Variants in ST3GAL1 observed in about 807,000 individuals in gnomAD.
ST3GAL1 encodes ST3 beta-galactoside alpha-2,3-sialyltransferase 1.
Under a neutral mutation model 34.1 loss-of-function variants are expected in ST3GAL1, and 16 were observed. The ratio of observed to expected loss-of-function variants is 0.47; its 90% CI spans 0.32 to 0.71. The LOEUF is 0.71. ST3GAL1 is among the 30% of genes least tolerant of loss of function. The probability of loss-of-function intolerance (pLI) is 0.04; values close to 1 mark genes in which losing one functional copy is unlikely to be tolerated. For synonymous variants in ST3GAL1, 191 were observed against 184.7 expected, an observed-to-expected ratio of 1.03 and a Z score of -0.28; for missense variants, 353 against 447.4, an observed-to-expected ratio of 0.79 and a Z score of 1.90.
rs35051988 is a variant in ST3GAL1 at position 133,521,138 on chromosome 8, G to GT, written c.-428-21950dup. 9.4e-3 allele frequency among the ~76,000 whole-genome samples: 105 copies of GT among 11,198 alleles called. 36 individuals are homozygous for GT. Among genetic ancestry groups the GT allele is most frequent in the African/African-American group, 0.015 (24 of 1,644 alleles). The allele number at this position is 11,198 out of a possible 152,430, so 7.3% of individuals were successfully genotyped here. ...CAGCTAATTTTTGTTTTTGTGGGTT[G>GT]TTTTTTTTTTTTTTTGAGACAGTCT... On this transcript the variant is annotated intron_variant, in intron 2 of 9. Transcript: ENST00000522652.
At chr8:133,510,976 C>A (rs1459787782) in intron 2 of ST3GAL1, among the ~76,000 whole-genome samples, 1 of 152,202 alleles carries the variant, frequency 6.6e-6, no homozygotes, top group African/African-American at 2.4e-5. Context: ...TAACCAGTGA[C>A]CTTTTCAAAT....
At chr8:133,536,052 T>C (rs1157554724) in intron 2 of ST3GAL1, among the ~76,000 whole-genome samples, 1 of 152,220 alleles carries the variant, frequency 6.6e-6, no homozygotes, top group African/African-American at 2.4e-5. Flanking sequence ...ATGTCCATTT[T>C]GCAGATGAGG....
intron 3 of ST3GAL1, among the ~76,000 whole-genome samples, chr8:133,486,644 G>A (rs1165193504): frequency 6.6e-6 from 1 of 152,192 alleles, no homozygotes; most frequent in Non-Finnish European, 1.5e-5. Context: ...CCCTGTCAAT[G>A]GCAGGACTGG....
intron 3 of ST3GAL1, among the ~76,000 whole-genome samples, chr8:133,490,387 G>A (rs1227915534): frequency 6.6e-6 from 1 of 152,242 alleles, no homozygotes; most frequent in African/African-American, 2.4e-5. Flanking sequence ...TTCACTGCTA[G>A]ATAGCGAAGC....
At chr8:133,497,512 C>T (rs1816997727) in intron 3 of ST3GAL1, among the ~76,000 whole-genome samples, 1 of 124,626 alleles carries the variant, frequency 8.0e-6, no homozygotes, top group Admixed American at 1.1e-4. Flanking sequence ...GCTCTTTTGC[C>T]CAGGCTGGAG....
At chr8:133,506,305 G>A (rs544916844) in intron 2 of ST3GAL1, among the ~76,000 whole-genome samples, 126 of 152,330 alleles carry the variant, frequency 8.3e-4, no homozygotes, top group Admixed American at 6.0e-3. Context: ...ACCTGATGGG[G>A]TCCTTGTGAG....
At chr8:133,479,108 C>A (rs1816286624) in intron 3 of ST3GAL1, among the ~76,000 whole-genome samples, 1 of 152,238 alleles carries the variant, frequency 6.6e-6, no homozygotes, top group South Asian at 2.1e-4. Context: ...AACACAAATT[C>A]TGCTCATTTC....
intron 1 of ST3GAL1, among the ~76,000 whole-genome samples, chr8:133,552,502 A>G (rs1295386931): frequency 6.6e-6 from 1 of 152,212 alleles, no homozygotes; most frequent in Non-Finnish European, 1.5e-5. Context: ...ACCAGGAATG[A>G]CATGGTTCAT....
intron 3 of ST3GAL1, among the ~76,000 whole-genome samples, chr8:133,495,853 A>G (rs59582106): frequency 0.032 from 4,886 of 152,326 alleles, 270 homozygotes; most frequent in African/African-American, 0.11. Flanking sequence ...AACTGCGAAT[A>G]ATAAAGTCAA....
intron 2 of ST3GAL1, among the ~76,000 whole-genome samples, chr8:133,534,664 G>A (rs1818256295): frequency 1.3e-5 from 2 of 152,240 alleles, no homozygotes; most frequent in South Asian, 2.1e-4. Context: ...GTTCTCCAAA[G>A]GCTGGAGGCA....
chr8:133,519,622 G>A (rs1363488357), intron 2 of ST3GAL1, among the ~76,000 whole-genome samples: 8 of 152,148 alleles, frequency 5.3e-5, no homozygotes, highest in Admixed American at 3.9e-4. Context: ...GGAAGTGTCC[G>A]AGAGATACAT....
At chr8:133,489,011 C>T (rs1199342606) in intron 3 of ST3GAL1, among the ~76,000 whole-genome samples, 1 of 152,132 alleles carries the variant, frequency 6.6e-6, no homozygotes, top group Non-Finnish European at 1.5e-5. Flanking sequence ...TGTGGGACAG[C>T]CAAGGGCTGA....
intron 2 of ST3GAL1, among the ~76,000 whole-genome samples, chr8:133,545,461 T>C (rs1818650507): frequency 2.0e-5 from 3 of 152,228 alleles, no homozygotes; most frequent in Admixed American, 2.0e-4. Flanking sequence ...GACAGGCCCT[T>C]GTCATCAAAA....
chr8:133,486,723 G>C (rs1037809861), intron 3 of ST3GAL1, among the ~76,000 whole-genome samples: 2 of 152,188 alleles, frequency 1.3e-5, no homozygotes, highest in Non-Finnish European at 2.9e-5. Context: ...GCCAGCAACT[G>C]TGCTGCCCTG....
At chr8:133,483,465 C>T (rs1816471901) in intron 3 of ST3GAL1, among the ~76,000 whole-genome samples, 1 of 152,148 alleles carries the variant, frequency 6.6e-6, no homozygotes, top group South Asian at 2.1e-4. Context: ...TTCTGTCTCT[C>T]CCCACTAAGC....
intron 1 of ST3GAL1, among the ~76,000 whole-genome samples, chr8:133,558,234 T>C (rs968758019): frequency 1.3e-5 from 2 of 152,236 alleles, no homozygotes; most frequent in Admixed American, 1.3e-4. Context: ...AGAATGTAAT[T>C]GATGATGATG....
At chr8:133,557,327 G>A (rs564318257) in intron 1 of ST3GAL1, among the ~76,000 whole-genome samples, 4 of 152,306 alleles carry the variant, frequency 2.6e-5, no homozygotes, top group Admixed American at 2.0e-4. Context: ...GGTCCTCATA[G>A]GATATGTGGT....
At position 133,464,408 on chromosome 8, in the gene ST3GAL1, C is replaced by T. The variant is rs112353482; in HGVS notation, c.683+370G>A. 6.4e-4 allele frequency among the ~76,000 whole-genome samples: 97 copies of T among 152,290 alleles called. 1 individual carries two copies. The highest frequency in any genetic ancestry group is 2.3e-3 in the African/African-American group (94 of 41,570). ...TCTTAGGAACCCTCACCCTGCCACG[C>T]TCACATAAGTTTGAAAAATAAGGTG... On this transcript the variant is annotated intron_variant, in intron 7 of 9. Transcript: ENST00000522652.
chr8:133,525,275 C>T (rs1445244731), intron 2 of ST3GAL1, among the ~76,000 whole-genome samples: 1 of 152,216 alleles, frequency 6.6e-6, no homozygotes, highest in Non-Finnish European at 1.5e-5. Context: ...GTTAGGTCAT[C>T]CCAAAGAGTC....
Sources: allele counts gnomAD v4.1 joint callset (sites outside exome capture counted in the v4.1 genomes callset), GRCh38; gene constraint gnomAD v4.1.1; transcripts MANE v1.5; gene names NCBI Gene and HGNC (gene_info 2026-07-23, HGNC 2026-07-21).